COL4A3: variants seen among roughly 807,000 people sequenced by gnomAD.
COL4A3 encodes collagen type IV alpha 3 chain.
Under a neutral mutation model 217.4 loss-of-function variants are expected in COL4A3, and 135 were observed. That is an observed-to-expected ratio of 0.62 (90% CI 0.54 to 0.72). The LOEUF is 0.72. Among genes scored for constraint, COL4A3 ranks in the 30% least tolerant of loss-of-function variants. The pLI, the probability that COL4A3 is intolerant of heterozygous loss-of-function variation, is 0.00. For missense variants in COL4A3, 1,868 were observed against 2,119.9 expected (o/e 0.88, Z 2.33); for synonymous variants, 690 against 736.3 (o/e 0.94, Z 1.02).
rs1209414922 is a variant in COL4A3 at position 227,250,543 on chromosome 2, T to C, written c.547-597T>C. ...AAAATATATATATATATTGCCTTCA[T>C]AGAGCTTACATTCTCATGGGGGAAA... On this transcript the variant is annotated intron_variant, in intron 9 of 51. Coordinates refer to ENST00000396578, the MANE Select transcript of COL4A3 (RefSeq NM_000091.5). The surrounding 1 kb of genome is among the most constrained non-coding windows in gnomAD (Gnocchi z 4.1). Among the ~76,000 whole-genome samples the C allele has an allele frequency of 6.6e-6, 1 of 152,018 alleles. No homozygotes were observed. The highest frequency in any genetic ancestry group is 6.6e-5 in the Admixed American group (1 of 15,244).
chr2:227,274,537 C>T (rs1327138603), intron 26 of COL4A3, among the ~76,000 whole-genome samples: 15 of 150,208 alleles, frequency 1.0e-4, no homozygotes, highest in Non-Finnish European at 1.0e-4. Context: ...CTTGCTCTGT[C>T]GCCCAGGCTG....
At chr2:227,186,784 C>A (rs1374528115) in intron 1 of COL4A3, among the ~76,000 whole-genome samples, 3 of 151,378 alleles carry the variant, frequency 2.0e-5, no homozygotes, top group African/African-American at 4.8e-5. Flanking sequence ...GGTTGCTCTA[C>A]TAAAACATCA....
chr2:227,240,797 G>C (rs2068975332), intron 3 of COL4A3, among the ~76,000 whole-genome samples: 1 of 152,138 alleles, frequency 6.6e-6, no homozygotes, highest in Non-Finnish European at 1.5e-5. Flanking sequence ...CAAACATGCT[G>C]CCTGTAGTTC....
At chr2:227,257,934 A>T (rs540041655) in intron 18 of COL4A3, among the ~76,000 whole-genome samples, 1 of 152,230 alleles carries the variant, frequency 6.6e-6, no homozygotes. Context: ...CCTTCAGGGT[A>T]GAGGACAGTG....
chr2:227,257,814 C>T (rs184685354), intron 18 of COL4A3, among the ~76,000 whole-genome samples, 170 bp downstream of exon 18: 6 of 152,258 alleles, frequency 3.9e-5, no homozygotes, highest in East Asian at 1.9e-4. Context: ...CCTTTGACCA[C>T]GGGTAAATAT....
intron 1 of COL4A3, among the ~76,000 whole-genome samples, chr2:227,190,721 A>G (rs2066202924): frequency 6.6e-6 from 1 of 152,200 alleles, no homozygotes; most frequent in Non-Finnish European, 1.5e-5. Flanking sequence ...AGCCTGGCCA[A>G]CATGGCGAAA....
At chr2:227,256,699 G>A (rs1331669264) in intron 17 of COL4A3, 2 of 536,746 alleles carry the variant, frequency 3.7e-6, no homozygotes, top group African/African-American at 3.8e-5. Context: ...GGAAGTTTGT[G>A]GTTATTTGAG....
At chr2:227,180,618 G>A (rs2065840418) in intron 1 of COL4A3, among the ~76,000 whole-genome samples, 1 of 152,114 alleles carries the variant, frequency 6.6e-6, no homozygotes, top group Admixed American at 6.6e-5. Flanking sequence ...TGACAGTTTT[G>A]GGCAAGTCAC....
chr2:227,263,830 G>A lies in COL4A3; in HGVS notation c.1201G>A (p.Gly401Arg), dbSNP rs1559878824. 6.2e-7 allele frequency: 1 copy of A among 1,614,138 alleles called. No homozygotes were observed. ...RGAPGWPGLK[G>R]SKGERGRPGK... is the part of the protein sequence containing the mutation. ...AGCCCCTGGATGGCCAGGCCTGAAA[G>A]GAAGTAAAGGGGAACGAGGCCGCCC... Residue 401 changes from glycine to arginine, a missense_variant, in exon 21 of 52, where the codon GGA becomes AGA. By Grantham distance (125) the Gly-to-Arg change is moderately radical. This residue lies in a region of COL4A3 where 1,503 missense variants were observed against 1,786.1 expected (regional missense o/e 0.84). Coordinates refer to ENST00000396578, the MANE Select transcript of COL4A3 (RefSeq NM_000091.5).
chr2:227,197,026 A>T (rs1431938852), intron 1 of COL4A3, among the ~76,000 whole-genome samples: 1 of 151,176 alleles, frequency 6.6e-6, no homozygotes, highest in Non-Finnish European at 1.5e-5. Flanking sequence ...ATGAGATCTG[A>T]TGGTTTTAGA....
intron 47 of COL4A3, 152 bp downstream of exon 47, chr2:227,305,235 A>G: frequency 1.4e-6 from 1 of 734,754 alleles, no homozygotes; most frequent in Non-Finnish European, 2.4e-6. Flanking sequence ...TTCATTTGGA[A>G]GATGAGAATC....
intron 14 of COL4A3, 146 bp from the exon 15 acceptor site, chr2:227,254,510 C>A (rs2070025569): frequency 8.3e-6 from 6 of 727,014 alleles, no homozygotes; most frequent in Non-Finnish European, 1.4e-5. Flanking sequence ...AATTACTATT[C>A]ATCAATAAGA....
rs914642443 is a variant in COL4A3 at position 227,250,875 on chromosome 2, G to T, written c.547-265G>T. ...AAAGGGAGAAGAAAAGAGGTGGGAA[G>T]AAAGAGAAAAGCAAAATTTTGAAAC... On this transcript the variant is annotated intron_variant, in intron 9 of 51. Transcript: ENST00000396578. The surrounding 1 kb of genome is among the most constrained non-coding windows in gnomAD (Gnocchi z 4.1). Among the ~76,000 whole-genome samples the T allele has an allele frequency of 6.6e-6, 1 of 152,088 alleles. No individual in the cohort carries two copies. Among genetic ancestry groups the T allele is most frequent in the African/African-American group, 2.4e-5 (1 of 41,410 alleles).
chr2:227,168,485 T>C (rs1456334325), intron 1 of COL4A3, among the ~76,000 whole-genome samples: 1 of 152,246 alleles, frequency 6.6e-6, no homozygotes, highest in African/African-American at 2.4e-5. Flanking sequence ...TTGTGAACTT[T>C]GCCTTTTTGT....
At chr2:227,246,922 G>A in intron 7 of COL4A3, 184 bp downstream of exon 7, 2 of 719,546 alleles carry the variant, frequency 2.8e-6, no homozygotes, top group Non-Finnish European at 5.2e-6. Flanking sequence ...ATTAGAGGTT[G>A]AGGCTTTGTT....
At chr2:227,234,734 G>A (rs2125872176) in intron 1 of COL4A3, among the ~76,000 whole-genome samples, 1 of 152,310 alleles carries the variant, frequency 6.6e-6, no homozygotes, top group Non-Finnish European at 1.5e-5. Flanking sequence ...GTCTAGTCTG[G>A]AGAAGATCAA....
chr2:227,285,035 A>G (rs2072226615), intron 34 of COL4A3, among the ~76,000 whole-genome samples: 1 of 152,160 alleles, frequency 6.6e-6, no homozygotes, highest in South Asian at 2.1e-4. Context: ...GCAACTTTAG[A>G]AAAACAGAGA....
chr2:227,245,068 C>G (rs6750210), intron 5 of COL4A3, 73 bp downstream of exon 5: 6 of 1,426,214 alleles, frequency 4.2e-6, no homozygotes, highest in Non-Finnish European at 5.9e-6. Context: ...TTAAAACAGT[C>G]GTGCAAGAAA....
intron 50 of COL4A3, among the ~76,000 whole-genome samples, chr2:227,310,295 A>G (rs938574400): frequency 1.5e-4 from 23 of 151,486 alleles, no homozygotes; most frequent in Non-Finnish European, 2.8e-4. Flanking sequence ...TTGAGACAGA[A>G]TCTCCCTCTG....
Sources: gnomAD v4.1 joint callset for allele counts (sites outside exome capture counted in the v4.1 genomes callset) on GRCh38, gnomAD v4.1.1 for gene constraint, gnomAD v4.1.1 regional missense constraint, Gnocchi (gnomAD v3.1) non-coding constraint, MANE v1.5 for transcripts, NCBI Gene and HGNC (gene_info 2026-07-23, HGNC 2026-07-21) for gene names.